The following C1QTNF3 variants were observed in gnomAD, a reference collection of about 807,000 sequenced individuals.
C1QTNF3 encodes the protein complement C1q tumor necrosis factor-related protein 3.
C1QTNF3 carries 26 observed loss-of-function variants against 32.6 expected under a neutral mutation model. The observed-to-expected ratio is 0.80, with a 90% CI of 0.58 to 1.11. The LOEUF is 1.11. Among genes scored for constraint, C1QTNF3 ranks in the 50% least tolerant of loss-of-function variants. The pLI is 0.00. For synonymous variants in C1QTNF3, 155 were observed against 146.0 expected (o/e 1.06, Z -0.44); for missense variants, 362 against 398.2 (o/e 0.91, Z 0.77).
chr5:34,127,310 C>T, the C1QTNF3 span, among the ~76,000 whole-genome samples: 1 of 152,008 alleles, frequency 6.6e-6, no homozygotes, highest in Non-Finnish European at 1.5e-5. Flanking sequence ...TTGGAACTTC[C>T]TAGAGACTTG....
the C1QTNF3 span, among the ~76,000 whole-genome samples, chr5:34,099,533 GGAC>G: frequency 6.6e-6 from 1 of 151,266 alleles, no homozygotes; most frequent in African/African-American, 2.4e-5. Flanking sequence ...CCAAGATTAA[GGAC>G]AACAACCTGG....
the C1QTNF3 span, among the ~76,000 whole-genome samples, chr5:34,107,701 T>C: frequency 8.8e-4 from 134 of 152,058 alleles, no homozygotes; most frequent in South Asian, 0.016. Flanking sequence ...GTATAAATAA[T>C]GCCAAAGAAA....
intron 5 of C1QTNF3, among the ~76,000 whole-genome samples, chr5:34,022,163 A>G (rs1336612824): frequency 6.6e-6 from 1 of 152,258 alleles, no homozygotes; most frequent in Admixed American, 6.5e-5. Context: ...TAATCTATTT[A>G]ACAAATGAAG....
the C1QTNF3 span, among the ~76,000 whole-genome samples, chr5:34,235,723 C>T: frequency 9.2e-5 from 14 of 151,876 alleles, no homozygotes; most frequent in East Asian, 7.8e-4. Context: ...CTGGGTATTA[C>T]AAGTCTTCAT....
chr5:34,206,948 G>A, the C1QTNF3 span, among the ~76,000 whole-genome samples: 1 of 152,216 alleles, frequency 6.6e-6, no homozygotes, highest in African/African-American at 2.4e-5. Context: ...AACCCTGACA[G>A]GGTGAGCCCC....
chr5:34,195,850 A>T, the C1QTNF3 span, among the ~76,000 whole-genome samples: 3 of 152,172 alleles, frequency 2.0e-5, no homozygotes, highest in Non-Finnish European at 2.9e-5. Flanking sequence ...AAAAAAAAAA[A>T]AAAAAATTCA....
intron 2 of C1QTNF3, 107 bp from the exon 3 acceptor site, chr5:34,033,565 T>C (rs299594): frequency 0.4 from 552,144 of 1,382,494 alleles, 119,723 homozygotes; most frequent in South Asian, 0.74. Context: ...CCATTCAGAA[T>C]AATCCCAAAT....
intron 4 of C1QTNF3, among the ~76,000 whole-genome samples, chr5:34,027,479 A>T (rs376935337): frequency 2.6e-5 from 4 of 152,144 alleles, no homozygotes; most frequent in African/African-American, 4.8e-5. Flanking sequence ...CAGGTGGATC[A>T]CTTCAGGCCA....
chr5:34,158,598 T>C, the C1QTNF3 span: 1 of 152,294 alleles, frequency 6.6e-6, no homozygotes, highest in East Asian at 1.9e-4. Flanking sequence ...ATATAATAAT[T>C]ATGTAGTTTC....
At chr5:34,139,801 T>TG in the C1QTNF3 span, among the ~76,000 whole-genome samples, 6 of 152,214 alleles carry the variant, frequency 3.9e-5, no homozygotes, top group Admixed American at 3.9e-4. Context: ...AGTGATGTAT[T>TG]GGAGTCTGTT....
chr5:34,156,793 AT>A, the C1QTNF3 span, among the ~76,000 whole-genome samples: 7 of 152,218 alleles, frequency 4.6e-5, no homozygotes, highest in Non-Finnish European at 1.0e-4. Flanking sequence ...GAGAAAAAAT[AT>A]GGAATATATA....
the C1QTNF3 span, among the ~76,000 whole-genome samples, chr5:34,099,107 G>A: frequency 2.0e-5 from 3 of 152,194 alleles, no homozygotes; most frequent in East Asian, 1.9e-4. Flanking sequence ...ATGGCACCGA[G>A]AGACTTTAAA....
chr5:34,062,580 T>C, the C1QTNF3 span, among the ~76,000 whole-genome samples: 1 of 152,354 alleles, frequency 6.6e-6, no homozygotes, highest in South Asian at 2.1e-4. Flanking sequence ...AAACCAATTA[T>C]TAGGCAATTC....
the C1QTNF3 span, among the ~76,000 whole-genome samples, chr5:34,170,815 ATCAATGTGT>A: frequency 1.3e-5 from 2 of 152,164 alleles, no homozygotes; most frequent in Non-Finnish European, 2.9e-5. Flanking sequence ...TATTTTACAC[ATCAATGTGT>A]TCAAAAACCC....
chr5:34,071,720 T>A, the C1QTNF3 span, among the ~76,000 whole-genome samples: 1 of 152,128 alleles, frequency 6.6e-6, no homozygotes. Flanking sequence ...TATAATAGCA[T>A]CAGTGATCAT....
At chr5:34,206,082 A>G in the C1QTNF3 span, among the ~76,000 whole-genome samples, 7 of 152,218 alleles carry the variant, frequency 4.6e-5, no homozygotes, top group Non-Finnish European at 7.3e-5. Context: ...AATTGGTATT[A>G]TATTTGGATT....
At chr5:34,122,308 A>G in the C1QTNF3 span, among the ~76,000 whole-genome samples, 2 of 152,314 alleles carry the variant, frequency 1.3e-5, no homozygotes, top group South Asian at 2.1e-4. Context: ...TTTCTTAGAG[A>G]CTAAGTAGTC....
At chr5:34,236,878 T>C in the C1QTNF3 span, among the ~76,000 whole-genome samples, 2 of 152,084 alleles carry the variant, frequency 1.3e-5, no homozygotes, top group Non-Finnish European at 2.9e-5. Context: ...ACCCAGCCAG[T>C]TAATTTTTCT....
chr5:34,107,395 T>C, the C1QTNF3 span, among the ~76,000 whole-genome samples: 2 of 151,136 alleles, frequency 1.3e-5, no homozygotes, highest in Non-Finnish European at 3.0e-5. Context: ...ACATGACTCA[T>C]TGTCTCAATC....
Sources: gnomAD v4.1 joint callset for allele counts (sites outside exome capture counted in the v4.1 genomes callset) on GRCh38, gnomAD v4.1.1 for gene constraint, MANE v1.5 for transcripts, NCBI Gene and HGNC (gene_info 2026-07-23, HGNC 2026-07-21) for gene names.